The following PATJ variants were observed in gnomAD, a reference collection of about 807,000 sequenced individuals.
The protein encoded by PATJ is inaD-like protein.
A neutral mutation model predicts 224.9 loss-of-function variants in PATJ; 190 were observed. That is an observed-to-expected ratio of 0.84 (90% CI 0.75 to 0.95). The LOEUF is 0.95. Ranked by LOEUF, PATJ falls within the 40% of genes least tolerant of loss-of-function variation. The pLI is 0.00. For synonymous variants in PATJ, 769 were observed against 820.3 expected (o/e 0.94, Z 1.07); for missense variants, 2,121 against 2,270.3 (o/e 0.93, Z 1.34).
chr1:61,911,695 T>TTATATATATATATATA (rs141530445), intron 25 of PATJ, among the ~76,000 whole-genome samples: 11 of 140,602 alleles, frequency 7.8e-5, no homozygotes, highest in African/African-American at 2.6e-4. Flanking sequence ...CTATATATTT[T>TTATATATATATATATA]TATATATATA....
intron 14 of PATJ, among the ~76,000 whole-genome samples, chr1:61,816,883 A>C (rs1419536452): frequency 2.0e-5 from 3 of 152,194 alleles, no homozygotes; most frequent in African/African-American, 7.2e-5. Flanking sequence ...TTCAAAATAC[A>C]CATGCCCTGT....
At chr1:61,803,767 A>C (rs1240150033) in intron 12 of PATJ, among the ~76,000 whole-genome samples, 8 of 152,166 alleles carry the variant, frequency 5.3e-5, no homozygotes, top group African/African-American at 1.9e-4. Context: ...TTGCATATGT[A>C]TAATTTTAGC....
intron 9 of PATJ, among the ~76,000 whole-genome samples, chr1:61,794,237 C>T (rs1291877112): frequency 6.6e-6 from 1 of 151,714 alleles, no homozygotes; most frequent in Non-Finnish European, 1.5e-5. Context: ...CCTTAAGCTC[C>T]TGGGCTCAGG....
At chr1:61,832,476 G>T (rs878926565) in intron 16 of PATJ, among the ~76,000 whole-genome samples, 2 of 152,030 alleles carry the variant, frequency 1.3e-5, no homozygotes, top group Non-Finnish European at 2.9e-5. Context: ...GTGTAGAGAT[G>T]ATGCATTTTT....
intron 25 of PATJ, among the ~76,000 whole-genome samples, chr1:61,910,194 A>G (rs1672414571): frequency 6.6e-6 from 1 of 152,358 alleles, no homozygotes; most frequent in East Asian, 1.9e-4. Flanking sequence ...GAATGAGCCA[A>G]TCAAATTATA....
chr1:62,125,249 AAAAACAAAAAAAAAC>A (rs1234658962), intron 39 of PATJ, among the ~76,000 whole-genome samples: 1,200 of 106,090 alleles, frequency 0.011, 132 homozygotes, highest in African/African-American at 0.042. Flanking sequence ...AAAAAAAAAA[AAAAACAAAAAAAAAC>A]AAAAAAAAAA....
At chr1:61,892,303 G>A (rs1289277987) in intron 22 of PATJ, among the ~76,000 whole-genome samples, 1 of 152,146 alleles carries the variant, frequency 6.6e-6, no homozygotes, top group Admixed American at 6.5e-5. Context: ...TTTGGGTGCT[G>A]AGTTTACTTG....
chr1:61,797,568 C>T, intron 11 of PATJ, 140 bp downstream of exon 11: 2 of 690,260 alleles, frequency 2.9e-6, no homozygotes, highest in Non-Finnish European at 4.9e-6. Flanking sequence ...TGAGTCAGCT[C>T]ATTTGTTCAC....
rs528030209 is a variant in PATJ at position 62,160,929 on chromosome 1, C to T, written c.5524C>T (p.Arg1842Ter). 1.1e-5 allele frequency: 18 copies of T among 1,613,798 alleles called. No homozygotes were observed. The highest frequency in any genetic ancestry group is 4.5e-5 in the East Asian group (2 of 44,876). The part of the protein sequence containing the change: ...FAKGAAADDG[R>*]LKRGDQILAV... ...GTAGGGAGCAGCTGCAGATGACGGCCGATTAAAACGAGGGGATCAGATTTT... is the reference window on the plus strand; with the variant it reads ...GTAGGGAGCAGCTGCAGATGACGGCTGATTAAAACGAGGGGATCAGATTTT... Residue 1842 changes from arginine (R) to a stop codon, truncating the protein, a stop_gained, in exon 44 of 44, where the codon CGA becomes TGA. Transcript: ENST00000642238. LOFTEE classifies it high-confidence loss of function.
rs2760222 is a variant in PATJ, at chr1:62,155,499, A to C, written c.5502+2018A>C. Reference sequence around the variant, plus strand: ...TAAAAGAACCCACCAGCATCCACACAGTGGGACAAGAGTAGTGGGAATAAA... The same window carrying C: ...TAAAAGAACCCACCAGCATCCACACCGTGGGACAAGAGTAGTGGGAATAAA... On this transcript the variant is annotated intron_variant, in intron 43 of 43. Transcript: ENST00000642238. Among the ~76,000 whole-genome samples, 1,471 of 152,274 alleles carry C rather than the reference A, an allele frequency of 9.7e-3. 24 individuals are homozygous for C. Among genetic ancestry groups the C allele is most frequent in the African/African-American group, 0.034 (1,404 of 41,568 alleles).
intron 37 of PATJ, among the ~76,000 whole-genome samples, chr1:62,119,221 C>G (rs539051955): frequency 8.5e-5 from 13 of 152,102 alleles, no homozygotes; most frequent in Non-Finnish European, 1.8e-4. Flanking sequence ...AAGAGTTTGC[C>G]CTATTTGGCT....
chr1:62,065,407 T>G (rs1656247043), intron 31 of PATJ, among the ~76,000 whole-genome samples: 1 of 152,146 alleles, frequency 6.6e-6, no homozygotes, highest in African/African-American at 2.4e-5. Flanking sequence ...TTTCAGGAGT[T>G]TGAGACCAGC....
intron 41 of PATJ, among the ~76,000 whole-genome samples, chr1:62,139,090 T>TAAGA (rs1667229083): frequency 6.6e-6 from 1 of 151,884 alleles, no homozygotes; most frequent in Non-Finnish European, 1.5e-5. Context: ...GCCAGGAGTG[T>TAAGA]AAGATTTACT....
chr1:62,127,721 C>A (rs950839140), intron 39 of PATJ, among the ~76,000 whole-genome samples: 1 of 152,080 alleles, frequency 6.6e-6, no homozygotes, highest in Non-Finnish European at 1.5e-5. Flanking sequence ...GCAGGAAAAT[C>A]GCTTGAACCT....
Position 62,161,074 on chromosome 1 carries a change from G to A in PATJ, c.*20G>A. ...TCATGAGCCTCGGGCCTGATCACAA[G>A]ATAGATGTTGTTGTTTAGAATATCC... On this transcript the variant is annotated 3_prime_UTR_variant, in exon 44 of 44. Coordinates refer to ENST00000642238, the MANE Select transcript of PATJ (RefSeq NM_001350145.3). 2 of 1,417,420 alleles carry A rather than the reference G, an allele frequency of 1.4e-6. No homozygotes were observed. Among genetic ancestry groups the A allele is most frequent in the South Asian group, 3.4e-5 (2 of 59,286 alleles). 87.8% of individuals were successfully genotyped at this position (1,417,420 alleles called of 1,614,324 possible).
intron 1 of PATJ, among the ~76,000 whole-genome samples, chr1:61,744,154 C>T (rs1644900329): frequency 6.6e-6 from 1 of 151,824 alleles, no homozygotes; most frequent in African/African-American, 2.4e-5. Flanking sequence ...ACAGAAAAAG[C>T]TTTTTAAATA....
intron 27 of PATJ, among the ~76,000 whole-genome samples, chr1:61,984,164 A>ATTTTTT (rs779439336): frequency 5.3e-5 from 7 of 132,142 alleles, no homozygotes; most frequent in South Asian, 2.4e-4. Context: ...TATTATTATT[A>ATTTTTT]TTTTTTTTTT....
chr1:61,995,287 C>T (rs1207705790), intron 28 of PATJ, among the ~76,000 whole-genome samples: 1 of 152,128 alleles, frequency 6.6e-6, no homozygotes, highest in Admixed American at 6.5e-5. Flanking sequence ...AAGTAAAATG[C>T]TCAATGTCTT....
chr1:61,836,119 C>G (rs1366575514), intron 17 of PATJ, among the ~76,000 whole-genome samples: 1 of 152,110 alleles, frequency 6.6e-6, no homozygotes, highest in Non-Finnish European at 1.5e-5. Context: ...AGAATTTAAT[C>G]CCTAGTTAAA....
Sources: gnomAD v4.1 joint callset for allele counts (sites outside exome capture counted in the v4.1 genomes callset) on GRCh38, gnomAD v4.1.1 for gene constraint, MANE v1.5 for transcripts, NCBI Gene and HGNC (gene_info 2026-07-23, HGNC 2026-07-21) for gene names.